Variants in SMCHD1 observed in about 807,000 individuals in gnomAD.
The protein encoded by SMCHD1 is structural maintenance of chromosomes flexible hinge domain containing 1, also known as structural maintenance of chromosomes flexible hinge domain-containing protein 1.
A neutral mutation model predicts 254.7 loss-of-function variants in SMCHD1; 78 were observed. The ratio of observed to expected loss-of-function variants is 0.31; its 90% CI spans 0.26 to 0.37. The LOEUF (loss-of-function observed/expected upper bound fraction) is 0.37. SMCHD1 is among the 10% of genes least tolerant of loss of function. SMCHD1 has a pLI of 1.00. For missense variants in SMCHD1, 1,840 were observed against 2,408.1 expected (o/e 0.76, Z 4.94); for synonymous variants, 766 against 794.9 (o/e 0.96, Z 0.61).
chr18:2,794,654 T>C (rs549211708), intron 45 of SMCHD1, among the ~76,000 whole-genome samples: 1 of 152,330 alleles, frequency 6.6e-6, no homozygotes, highest in Non-Finnish European at 1.5e-5. Flanking sequence ...AATAATGTAA[T>C]ACTTTTTTGG....
chr18:2,795,132 C>T (rs2076237804), intron 45 of SMCHD1, among the ~76,000 whole-genome samples: 1 of 152,054 alleles, frequency 6.6e-6, no homozygotes. Context: ...CAGCTCACTG[C>T]AAGCTCTGCT....
chr18:2,699,764 C>T (rs1440598099), intron 10 of SMCHD1, among the ~76,000 whole-genome samples: 1 of 152,204 alleles, frequency 6.6e-6, no homozygotes, highest in African/African-American at 2.4e-5. Flanking sequence ...CAGAGGGATT[C>T]TCCTCTAAGA....
At position 2,804,776 on chromosome 18, in the gene SMCHD1, G is replaced by A. The variant is rs2076418213; in HGVS notation, c.*2224G>A. 6.6e-6 allele frequency: 1 copy of A among 152,098 alleles called. No homozygotes were observed. The highest frequency in any genetic ancestry group is 2.1e-4 in the South Asian group (1 of 4,834). The allele number at this position is 152,098 out of a possible 1,614,324, so 9.4% of individuals were successfully genotyped here. A position where few individuals can be genotyped will look rare whatever the true frequency, so the allele number is the denominator to read the frequency against. On this transcript the variant is annotated 3_prime_UTR_variant, in exon 48 of 48. Transcript: ENST00000320876. ...TTTGTGTTTAATATGTAACACGTAA[G>A]AACAATTGAAATTTTCTTCTAAGAT...
At chr18:2,799,367 C>T (rs1362236507) in intron 47 of SMCHD1, among the ~76,000 whole-genome samples, 3 of 152,026 alleles carry the variant, frequency 2.0e-5, no homozygotes, top group Non-Finnish European at 4.4e-5. Flanking sequence ...TGGTGGCTAC[C>T]GTTTTGGACT....
At chr18:2,696,187 T>A (rs1318122873) in intron 8 of SMCHD1, among the ~76,000 whole-genome samples, 1 of 152,106 alleles carries the variant, frequency 6.6e-6, no homozygotes, top group East Asian at 1.9e-4. Flanking sequence ...AACTTACTAG[T>A]TTTGTTTTTG....
At chr18:2,678,702 T>C (rs1044887532) in intron 5 of SMCHD1, among the ~76,000 whole-genome samples, 1 of 152,172 alleles carries the variant, frequency 6.6e-6, no homozygotes. Context: ...CTTTCTAATA[T>C]CCTGGTATTT....
Position 2,700,790 on chromosome 18 carries a change from A to C in SMCHD1, c.1519A>C (p.Asn507His). ...KRGLAPIECY[N>H]RISGALFTND... ...AGGGCTTGCACCAATTGAATGCTAC[A>C]ATAGGATATCTGGTGCATTATTCAC... The change falls in exon 12 of 48, where the codon AAT becomes CAT. Residue 507 changes from asparagine (N) to histidine (H), a missense_variant. By Grantham distance (68) the Asn-to-His change is moderately conservative. This residue lies in a region of SMCHD1 where 498 missense variants were observed against 743.5 expected (regional missense o/e 0.67). Transcript: ENST00000320876. 2 of 1,613,508 alleles carry C rather than the reference A, an allele frequency of 1.2e-6. No individual in the cohort carries two copies. The highest frequency in any genetic ancestry group is 1.7e-6 in the Non-Finnish European group (2 of 1,179,636).
chr18:2,674,335 C>T (rs559872782), intron 5 of SMCHD1, among the ~76,000 whole-genome samples, 190 bp downstream of exon 5: 4 of 152,222 alleles, frequency 2.6e-5, no homozygotes, highest in African/African-American at 9.6e-5. Context: ...TTGTGCCTTT[C>T]CATTAAACAG....
intron 30 of SMCHD1, among the ~76,000 whole-genome samples, chr18:2,749,223 A>G (rs1174747880): frequency 6.6e-6 from 1 of 152,212 alleles, no homozygotes; most frequent in African/African-American, 2.4e-5. Context: ...TATCATTTCA[A>G]GTACCCTTTC....
chr18:2,787,734 CACAT>C (rs1184997136), intron 45 of SMCHD1, among the ~76,000 whole-genome samples: 1 of 152,212 alleles, frequency 6.6e-6, no homozygotes, highest in Admixed American at 6.5e-5. Flanking sequence ...GATACACTCC[CACAT>C]ACAGACTAAT....
chr18:2,724,545 A>G (rs1434934219), intron 20 of SMCHD1, among the ~76,000 whole-genome samples: 3 of 152,070 alleles, frequency 2.0e-5, no homozygotes, highest in Non-Finnish European at 2.9e-5. Context: ...ACATCCTTAA[A>G]CCTGGCTTCT....
rs2143783601 is a variant in SMCHD1, at chr18:2,777,830, A to C, written c.5391A>C (p.Gly1797=). 6.5e-7 allele frequency: 1 copy of C among 1,540,962 alleles called. No homozygotes were observed. ...WKRSLPHFRN[G]KLYFKPIGDP... ...GATCTCTACCTCATTTCCGAAATGG[A>C]AAATTGTATTTTAAACCCATTGGAG... The change falls in exon 43 of 48, where the codon GGA becomes GGC. Residue 1797 remains glycine, a synonymous_variant. Transcript: ENST00000320876.
At chr18:2,680,527 T>C (rs1283918050) in intron 5 of SMCHD1, among the ~76,000 whole-genome samples, 1 of 152,224 alleles carries the variant, frequency 6.6e-6, no homozygotes, top group African/African-American at 2.4e-5. Context: ...TTTTTAGTGC[T>C]CTGTTGCAGA....
At chr18:2,661,044 T>C (rs1481846392) in intron 1 of SMCHD1, among the ~76,000 whole-genome samples, 1 of 152,190 alleles carries the variant, frequency 6.6e-6, no homozygotes, top group Admixed American at 6.5e-5. Flanking sequence ...TGGATGAAGC[T>C]GGAAGCCATC....
intron 21 of SMCHD1, 23 bp downstream of exon 21, chr18:2,725,018 A>ATG: frequency 7.7e-7 from 1 of 1,302,278 alleles, no homozygotes; most frequent in Non-Finnish European, 1.1e-6. Context: ...TATAGATCCT[A>ATG]TGATACTTGT....
intron 13 of SMCHD1, among the ~76,000 whole-genome samples, chr18:2,704,876 A>G (rs538744673): frequency 3.9e-5 from 6 of 152,064 alleles, no homozygotes; most frequent in Non-Finnish European, 8.8e-5. Context: ...AGCTTTCCCA[A>G]CATTTAGTGG....
At chr18:2,784,028 T>C (rs1010457262) in intron 44 of SMCHD1, among the ~76,000 whole-genome samples, 3 of 152,236 alleles carry the variant, frequency 2.0e-5, no homozygotes, top group African/African-American at 7.2e-5. Flanking sequence ...TCTAGTGCTT[T>C]CCAGTCTGTA....
intron 17 of SMCHD1, among the ~76,000 whole-genome samples, chr18:2,716,491 A>C (rs1309310830): frequency 1.3e-5 from 2 of 152,184 alleles, no homozygotes; most frequent in East Asian, 3.9e-4. Flanking sequence ...GGACTGTGTA[A>C]CTTCCAGGGG....
At position 2,716,062 on chromosome 18, in the gene SMCHD1, A is replaced by T. The variant is rs147641630; in HGVS notation, c.2261-2096A>T. Among the ~76,000 whole-genome samples, 163 of 152,128 alleles carry T rather than the reference A, an allele frequency of 1.1e-3. 6 individuals are homozygous for T. The East Asian group carries it at 0.029, about 27-fold the overall frequency. ...TTGAATTTACATTTGTTGGGGCAGG[A>T]CTTATTTTTTCCTTGATGATGTGTC... On this transcript the variant is annotated intron_variant, in intron 17 of 47. Transcript: ENST00000320876.
Sources: allele counts gnomAD v4.1 joint callset (sites outside exome capture counted in the v4.1 genomes callset), GRCh38; gene constraint gnomAD v4.1.1; regional missense constraint gnomAD v4.1.1; transcripts MANE v1.5; gene names NCBI Gene and HGNC (gene_info 2026-07-23, HGNC 2026-07-21).